Variants in DNM3 observed in about 807,000 individuals in gnomAD.
The protein encoded by DNM3 is dynamin-3.
In DNM3, 47 loss-of-function variants were observed where a neutral mutation model predicts 101.6. That is an observed-to-expected ratio of 0.46 (90% CI 0.37 to 0.59). DNM3 has a LOEUF of 0.59. Among genes scored for constraint, DNM3 ranks in the 20% least tolerant of loss-of-function variants. DNM3 has a pLI of 0.00. For synonymous variants in DNM3, 385 were observed against 387.9 expected, an observed-to-expected ratio of 0.99 and a Z score of 0.09; for missense variants, 849 against 1,085.7, an observed-to-expected ratio of 0.78 and a Z score of 3.06.
intron 20 of DNM3, among the ~76,000 whole-genome samples, chr1:172,407,514 G>GT (rs2070981913): frequency 6.6e-6 from 1 of 151,820 alleles, no homozygotes; most frequent in African/African-American, 2.4e-5. Flanking sequence ...CTTTCAAATA[G>GT]TTTCATATTT....
At chr1:172,086,039 C>G (rs76547828) in intron 12 of DNM3, among the ~76,000 whole-genome samples, 1 of 152,104 alleles carries the variant, frequency 6.6e-6, no homozygotes, top group Admixed American at 6.6e-5. Flanking sequence ...TGAAAGGATA[C>G]CATTCACATA....
At chr1:172,097,126 G>A (rs755091426) in intron 13 of DNM3, among the ~76,000 whole-genome samples, 1 of 152,092 alleles carries the variant, frequency 6.6e-6, no homozygotes, top group South Asian at 2.1e-4. Flanking sequence ...TTAGGGCCGG[G>A]CACGGTGACT....
intron 20 of DNM3, among the ~76,000 whole-genome samples, chr1:172,400,238 T>C (rs1285970031): frequency 6.6e-6 from 1 of 152,110 alleles, no homozygotes; most frequent in Non-Finnish European, 1.5e-5. Flanking sequence ...TTCCCCTAAA[T>C]GGTGGCAGTT....
In DNM3 at chr1:172,407,984, A is replaced by G; in HGVS notation, c.*143A>G. ...AGTTTTACTAATGCATTCATCGCTCATCTTCATTGCTCATGGTATGTCAAA... is the reference window on the plus strand; with the variant it reads ...AGTTTTACTAATGCATTCATCGCTCGTCTTCATTGCTCATGGTATGTCAAA... On this transcript the variant is annotated 3_prime_UTR_variant, in exon 21 of 21. Coordinates refer to ENST00000627582, the MANE Select transcript of DNM3 (RefSeq NM_015569.5). 1 of 1,520,456 alleles carries G rather than the reference A, an allele frequency of 6.6e-7. No individual in the cohort carries two copies. The highest frequency in any genetic ancestry group is 8.8e-7 in the Non-Finnish European group (1 of 1,133,878). The allele number at this position is 1,520,456 out of a possible 1,614,324, so 94.2% of individuals were successfully genotyped here.
At chr1:171,959,408 A>C (rs2043065292) in intron 2 of DNM3, among the ~76,000 whole-genome samples, 2 of 152,200 alleles carry the variant, frequency 1.3e-5, no homozygotes, top group Admixed American at 6.5e-5. Context: ...TGATGATATC[A>C]AATAAATAGA....
intron 13 of DNM3, among the ~76,000 whole-genome samples, chr1:172,103,381 G>C (rs948605130): frequency 6.6e-6 from 1 of 152,168 alleles, no homozygotes; most frequent in African/African-American, 2.4e-5. Flanking sequence ...GAGTAAATAT[G>C]TGAAGTTGAC....
chr1:172,236,018 T>G (rs1324447886), intron 14 of DNM3, among the ~76,000 whole-genome samples: 1 of 152,114 alleles, frequency 6.6e-6, no homozygotes, highest in African/African-American at 2.4e-5. Context: ...AAAAACATTG[T>G]TAGCTATTGG....
chr1:171,957,360 G>A (rs527735725), intron 2 of DNM3, among the ~76,000 whole-genome samples: 2 of 151,958 alleles, frequency 1.3e-5, no homozygotes, highest in East Asian at 3.9e-4. Context: ...ACCACACTCG[G>A]CTAATTTTTT....
At chr1:172,139,036 G>A (rs761502917) in intron 14 of DNM3, 4 of 383,758 alleles carry the variant, frequency 1.0e-5, no homozygotes, top group Non-Finnish European at 1.6e-5. Context: ...AAACATTATG[G>A]AACTAAAAAC....
chr1:171,949,642 C>T (rs1041772241), intron 2 of DNM3, among the ~76,000 whole-genome samples: 1 of 151,810 alleles, frequency 6.6e-6, no homozygotes, highest in East Asian at 1.9e-4. Flanking sequence ...TCTTGAACTC[C>T]TGGGCTCAAG....
intron 16 of DNM3, chr1:172,309,424 G>C (rs980183463): frequency 6.6e-6 from 1 of 152,142 alleles, no homozygotes; most frequent in Non-Finnish European, 1.5e-5. Context: ...TTAATAAACA[G>C]ACCTTTTCTT....
At chr1:172,156,262 T>C (rs2058333822) in intron 14 of DNM3, among the ~76,000 whole-genome samples, 1 of 152,054 alleles carries the variant, frequency 6.6e-6, no homozygotes, top group African/African-American at 2.4e-5. Context: ...CCCCAGTGTT[T>C]ATGGTATAGA....
chr1:172,312,255 A>G (rs1372199105), intron 16 of DNM3, among the ~76,000 whole-genome samples: 1 of 152,212 alleles, frequency 6.6e-6, no homozygotes, highest in Non-Finnish European at 1.5e-5. Context: ...GAGTCTACAA[A>G]TCAGTCAATT....
rs549647851 is a variant in DNM3, at chr1:172,255,622, T to TG, written c.1769+1942dup. ...GAAAAATCTAGATATTTTGGGATCT[T>TG]GGAGTTCTAAAAAGGTATTGAATTC... On this transcript the variant is annotated intron_variant, in intron 15 of 20. Transcript: ENST00000627582. Among the ~76,000 whole-genome samples the TG allele has an allele frequency of 9.9e-4, 151 of 152,252 alleles. 1 individual carries two copies. In the South Asian group the frequency reaches 0.011, roughly 11 times the overall value.
At chr1:172,295,630 A>G (rs1397105903) in intron 15 of DNM3, among the ~76,000 whole-genome samples, 1 of 152,180 alleles carries the variant, frequency 6.6e-6, no homozygotes, top group African/African-American at 2.4e-5. Flanking sequence ...ATAGAAGCCA[A>G]AAAGCCAGCT....
intron 14 of DNM3, among the ~76,000 whole-genome samples, chr1:172,154,493 T>A (rs1280837333): frequency 2.0e-5 from 3 of 152,100 alleles, no homozygotes; most frequent in Non-Finnish European, 4.4e-5. Context: ...CCAGGAGAAA[T>A]GTGGAAACCA....
intron 2 of DNM3, among the ~76,000 whole-genome samples, chr1:171,975,374 G>A (rs1178103036): frequency 6.6e-6 from 1 of 152,126 alleles, no homozygotes; most frequent in Non-Finnish European, 1.5e-5. Flanking sequence ...TTTAATGTAA[G>A]AATATGTACT....
At chr1:171,911,449 A>C (rs1175733460) in intron 1 of DNM3, among the ~76,000 whole-genome samples, 2 of 151,858 alleles carry the variant, frequency 1.3e-5, no homozygotes, top group African/African-American at 4.8e-5. Flanking sequence ...CGCCCGGCTA[A>C]TTTTTGTATT....
chr1:171,870,465 CAAA>C (rs2035166759), intron 1 of DNM3, among the ~76,000 whole-genome samples: 1 of 151,676 alleles, frequency 6.6e-6, no homozygotes, highest in South Asian at 2.1e-4. Flanking sequence ...ACAAACAAAA[CAAA>C]ACAAAACAAA....
Sources: gnomAD v4.1 joint callset for allele counts (sites outside exome capture counted in the v4.1 genomes callset) on GRCh38, gnomAD v4.1.1 for gene constraint, MANE v1.5 for transcripts, NCBI Gene and HGNC (gene_info 2026-07-23, HGNC 2026-07-21) for gene names.